The following DMD variants were observed in gnomAD, a reference collection of about 807,000 sequenced individuals.
DMD encodes mutant dystrophin.
A neutral mutation model predicts 330.1 loss-of-function variants in DMD; 63 were observed. The ratio of observed to expected loss-of-function variants is 0.19; its 90% CI spans 0.16 to 0.24. The LOEUF (loss-of-function observed/expected upper bound fraction) is 0.24, where lower values mean the gene tolerates loss of function less well. Among genes scored for constraint, DMD ranks in the 10% least tolerant of loss-of-function variants. The probability of loss-of-function intolerance (pLI) is 1.00; values close to 1 mark genes in which losing one functional copy is unlikely to be tolerated. For synonymous variants in DMD, 1,223 were observed against 959.8 expected (o/e 1.27, Z -5.07); for missense variants, 3,344 against 2,684.1 (o/e 1.25, Z -5.43).
chrX:32,565,949 GC>G (rs1569214974), intron 15 of DMD, 68 bp from the exon 16 acceptor site: 5 of 966,964 alleles, frequency 5.2e-6, no homozygotes, highest in African/African-American at 3.8e-5. Flanking sequence ...AGTTCAATCT[GC>G]TTTTGCGTGT....
At chrX:32,758,139 A>G (rs762668671) in intron 7 of DMD, among the ~76,000 whole-genome samples, 3 of 111,903 alleles carry the variant, frequency 2.7e-5, no homozygotes, top group Non-Finnish European at 5.6e-5. Context: ...CAGGTCCCAC[A>G]TGTTCCTGAG....
intron 67 of DMD, among the ~76,000 whole-genome samples, chrX:31,198,027 A>AAAAAAAC (rs2043083502): frequency 1.1e-5 from 1 of 91,644 alleles, no homozygotes; most frequent in Non-Finnish European, 2.0e-5. Context: ...GGGAGCTAAA[A>AAAAAAAC]AAAAAAAAAA....
intron 55 of DMD, among the ~76,000 whole-genome samples, chrX:31,551,222 A>C (rs2074470123): frequency 9.2e-6 from 1 of 108,695 alleles, no homozygotes; most frequent in South Asian, 4.0e-4. Flanking sequence ...GTAGATTACT[A>C]ATCTGGGGAA....
At chrX:31,909,306 A>G (rs2094518124) in intron 47 of DMD, among the ~76,000 whole-genome samples, 1 of 111,329 alleles carries the variant, frequency 9.0e-6, no homozygotes, top group East Asian at 2.8e-4. Flanking sequence ...GATTTAGTAC[A>G]GGAATGAGCA....
chrX:32,480,382 G>A (rs2041725500), intron 21 of DMD, among the ~76,000 whole-genome samples: 1 of 108,438 alleles, frequency 9.2e-6, no homozygotes, highest in Admixed American at 9.6e-5. Context: ...AAATGTGTGT[G>A]TGTGTGTGTG....
intron 44 of DMD, among the ~76,000 whole-genome samples, chrX:32,065,525 A>G (rs1486873170): frequency 8.9e-6 from 1 of 112,259 alleles, no homozygotes; most frequent in Admixed American, 9.4e-5. Context: ...AATAAAGTTG[A>G]ACATTCTAAT....
intron 2 of DMD, among the ~76,000 whole-genome samples, chrX:33,005,363 T>C (rs2093373784): frequency 1.8e-5 from 2 of 109,407 alleles, no homozygotes; most frequent in Non-Finnish European, 3.8e-5. Context: ...ACTTTAATCA[T>C]GAAATAGATT....
chrX:32,394,916 C>CAAAACAAAAA (rs2098030291), intron 30 of DMD, among the ~76,000 whole-genome samples: 9 of 39,059 alleles, frequency 2.3e-4, no homozygotes, highest in South Asian at 1.8e-3. Context: ...AACAAAAAAA[C>CAAAACAAAAA]AAAAAAAAAA....
intron 44 of DMD, among the ~76,000 whole-genome samples, chrX:32,180,501 G>A (rs1471775197): frequency 9.0e-6 from 1 of 111,343 alleles, no homozygotes; most frequent in Admixed American, 9.6e-5. Context: ...AGAGAGGTGG[G>A]CTTGGAGAGA....
At position 33,000,311 on chromosome X, in the gene DMD, C is replaced by A. The variant is rs73188378; in HGVS notation, c.93+19828G>T. Among the ~76,000 whole-genome samples the A allele has an allele frequency of 8.7e-3, 972 of 111,509 alleles. 3 individuals are homozygous for A. Among genetic ancestry groups the A allele is most frequent in the Non-Finnish European group, 0.013 (691 of 53,085 alleles). ...GAACCTGGCTTCAAAAATAGTACAT[C>A]CTTCTCTATTTTATGCATTTTATAT... is the stretch of plus-strand genomic sequence containing the variant. On this transcript the variant is annotated intron_variant, in intron 2 of 78. Transcript: ENST00000357033.
chrX:32,801,286 C>CT (rs764865615), intron 7 of DMD, among the ~76,000 whole-genome samples: 2 of 111,605 alleles, frequency 1.8e-5, no homozygotes, highest in East Asian at 2.8e-4. Flanking sequence ...TGATGATGAA[C>CT]TTTTTTTTCA....
intron 59 of DMD, 151 bp downstream of exon 59, chrX:31,477,955 G>T: frequency 1.7e-6 from 1 of 598,884 alleles, no homozygotes; most frequent in East Asian, 3.6e-5. Flanking sequence ...TTCTCTTGGA[G>T]AAAATACCAT....
At chrX:31,855,649 A>G (rs995683572) in intron 48 of DMD, among the ~76,000 whole-genome samples, 2 of 111,766 alleles carry the variant, frequency 1.8e-5, no homozygotes, top group Non-Finnish European at 3.8e-5. Context: ...GTCATTATCT[A>G]AAACAACTCT....
At chrX:32,859,561 A>G (rs7053551) in intron 2 of DMD, among the ~76,000 whole-genome samples, 42,457 of 109,146 alleles carry the variant, frequency 0.39, 8,427 homozygotes, top group African/African-American at 0.76. Flanking sequence ...AAAGTGCAGA[A>G]TACATGTAAA....
intron 1 of DMD, among the ~76,000 whole-genome samples, chrX:33,252,899 C>A (rs964364204): frequency 1.8e-5 from 2 of 111,664 alleles, no homozygotes; most frequent in African/African-American, 6.5e-5. Context: ...AAACTTCTTA[C>A]ATGTTTGTAT....
chrX:31,583,435 T>TA (rs374352468), intron 55 of DMD, among the ~76,000 whole-genome samples: 11 of 110,693 alleles, frequency 9.9e-5, no homozygotes, highest in African/African-American at 3.6e-4. Context: ...AAGAGGGTGT[T>TA]AGAGAACTAA....
intron 17 of DMD, among the ~76,000 whole-genome samples, chrX:32,527,428 C>A (rs752429886): frequency 9.0e-6 from 1 of 110,629 alleles, no homozygotes; most frequent in African/African-American, 3.3e-5. Context: ...CCTAAATCCC[C>A]AACCATTTGA....
intron 44 of DMD, among the ~76,000 whole-genome samples, chrX:32,016,253 T>C (rs966246851): frequency 4.5e-5 from 5 of 111,880 alleles, no homozygotes; most frequent in Non-Finnish European, 9.4e-5. Context: ...TCCTCGCACT[T>C]GTTGTTCTGA....
At chrX:31,576,759 G>GTTGTTTTTTTTTTTTTTTT (rs2076120780) in intron 55 of DMD, among the ~76,000 whole-genome samples, 1 of 103,656 alleles carries the variant, frequency 9.6e-6, no homozygotes, top group Admixed American at 1.1e-4. Flanking sequence ...ATATGAGGTT[G>GTTGTTTTTTTTTTTTTTTT]TTTTTTTTTG....
Sources: gnomAD v4.1 joint callset for allele counts (sites outside exome capture counted in the v4.1 genomes callset) on GRCh38, gnomAD v4.1.1 for gene constraint, MANE v1.5 for transcripts, NCBI Gene and HGNC (gene_info 2026-07-23, HGNC 2026-07-21) for gene names.